The following GAP43 variants were observed in gnomAD, a reference collection of about 807,000 sequenced individuals.
GAP43 encodes the protein growth associated protein 43.
In GAP43, 6 loss-of-function variants were observed where a neutral mutation model predicts 18.6. The observed-to-expected ratio is 0.32, with a 90% CI of 0.18 to 0.64. The LOEUF is 0.64. Ranked by LOEUF, GAP43 falls within the 30% of genes least tolerant of loss-of-function variation. The pLI, the probability that GAP43 is intolerant of heterozygous loss-of-function variation, is 0.78. For missense variants in GAP43, 292 were observed against 295.5 expected (o/e 0.99, Z 0.09); for synonymous variants, 115 against 111.4 (o/e 1.03, Z -0.20).
intron 1 of GAP43, among the ~76,000 whole-genome samples, chr3:115,666,433 T>A (rs1708734393): frequency 6.6e-6 from 1 of 152,180 alleles, no homozygotes; most frequent in Non-Finnish European, 1.5e-5. Flanking sequence ...CCTCTGGTAT[T>A]TGTCTTATCA....
At position 115,650,731 on chromosome 3, in the gene GAP43, TTTTTAAAATCATACTCTAGTC is replaced by T. The variant is rs566434359; in HGVS notation, c.31-25256_31-25236del. On this transcript the variant is annotated intron_variant, in intron 1 of 2. Coordinates refer to ENST00000305124, the MANE Select transcript of GAP43 (RefSeq NM_002045.4). ...GCATAACTTTGATATATAACTATAA[TTTTTAAAATCATACTCTAGTC>T]TTTTAAAATCATACTCTAGTCTTTT... Among the ~76,000 whole-genome samples the T allele has an allele frequency of 3.2e-3, 485 of 152,316 alleles. 2 individuals are homozygous for T. Among genetic ancestry groups the T allele is most frequent in the African/African-American group, 0.011 (454 of 41,568 alleles).
intron 2 of GAP43, among the ~76,000 whole-genome samples, chr3:115,693,166 AT>A (rs929257315): frequency 2.6e-5 from 4 of 152,184 alleles, no homozygotes; most frequent in African/African-American, 9.7e-5. Context: ...GGAGGTGGCG[AT>A]TCCAGGCCCA....
At chr3:115,715,045 T>A (rs1170241917) in intron 2 of GAP43, among the ~76,000 whole-genome samples, 1 of 152,138 alleles carries the variant, frequency 6.6e-6, no homozygotes, top group Non-Finnish European at 1.5e-5. Context: ...CTCTGTTGTG[T>A]CTTTCATAAA....
intron 1 of GAP43, among the ~76,000 whole-genome samples, chr3:115,662,645 C>A (rs935313032): frequency 6.6e-6 from 1 of 152,180 alleles, no homozygotes; most frequent in African/African-American, 2.4e-5. Flanking sequence ...GGTGACATCA[C>A]CTCTTGAACT....
At chr3:115,661,830 G>GTTTTTTTTTTTTTTTTTTTTTT (rs1576986136) in intron 1 of GAP43, among the ~76,000 whole-genome samples, 3 of 28,652 alleles carry the variant, frequency 1.0e-4, no homozygotes, top group African/African-American at 2.8e-4. Flanking sequence ...AGAAACTAGG[G>GTTTTTTTTTTTTTTTTTTTTTT]CTTTTTTTTT....
At chr3:115,704,426 T>C (rs1040463164) in intron 2 of GAP43, among the ~76,000 whole-genome samples, 1 of 152,088 alleles carries the variant, frequency 6.6e-6, no homozygotes, top group Non-Finnish European at 1.5e-5. Flanking sequence ...TCAACCTTAG[T>C]TACTAATTTT....
chr3:115,675,172 A>T (rs1031868330), intron 1 of GAP43, among the ~76,000 whole-genome samples: 8 of 152,166 alleles, frequency 5.3e-5, no homozygotes, highest in Non-Finnish European at 1.0e-4. Flanking sequence ...CGCAGGCTCA[A>T]GTAAGCCTCC....
At chr3:115,710,889 A>G (rs1353603850) in intron 2 of GAP43, among the ~76,000 whole-genome samples, 1 of 152,104 alleles carries the variant, frequency 6.6e-6, no homozygotes, top group Non-Finnish European at 1.5e-5. Flanking sequence ...AGATAATGAA[A>G]CCAAACTATC....
At chr3:115,709,222 G>C (rs1218172546) in intron 2 of GAP43, among the ~76,000 whole-genome samples, 5 of 152,140 alleles carry the variant, frequency 3.3e-5, no homozygotes, top group Non-Finnish European at 1.5e-5. Flanking sequence ...TCTTACTCCA[G>C]ACGCCCTGCC....
At chr3:115,694,507 C>T (rs1709159214) in intron 2 of GAP43, among the ~76,000 whole-genome samples, 1 of 152,150 alleles carries the variant, frequency 6.6e-6, no homozygotes, top group African/African-American at 2.4e-5. Context: ...ATACAGATAA[C>T]ATTTACTTAT....
chr3:115,674,394 C>T (rs915733866), intron 1 of GAP43, among the ~76,000 whole-genome samples: 4 of 152,148 alleles, frequency 2.6e-5, no homozygotes, highest in African/African-American at 9.7e-5. Context: ...TAGTTGCCTA[C>T]ACAATTCTTT....
At chr3:115,636,502 C>T (rs1033532378) in intron 1 of GAP43, among the ~76,000 whole-genome samples, 4 of 152,078 alleles carry the variant, frequency 2.6e-5, no homozygotes, top group Admixed American at 1.3e-4. Context: ...TCTTGTGCAT[C>T]TAGATGGGTA....
At chr3:115,680,986 G>A (rs924621542) in intron 2 of GAP43, among the ~76,000 whole-genome samples, 6 of 152,070 alleles carry the variant, frequency 3.9e-5, no homozygotes, top group East Asian at 1.9e-4. Flanking sequence ...CCTCGTGAGC[G>A]GCTTTGATTT....
intron 2 of GAP43, among the ~76,000 whole-genome samples, chr3:115,707,849 A>T (rs1191054579): frequency 6.6e-6 from 1 of 152,114 alleles, no homozygotes; most frequent in Non-Finnish European, 1.5e-5. Flanking sequence ...CAATATTTTT[A>T]AATTTACAAA....
chr3:115,643,221 C>T lies in GAP43; in HGVS notation c.30+19502C>T, dbSNP rs533017232. Among the ~76,000 whole-genome samples the T allele has an allele frequency of 5.9e-5, 9 of 152,158 alleles. No homozygotes were observed. The South Asian group carries it at 8.3e-4, about 14-fold the overall frequency. ...GTCACTTTTTATCTTCAAGGAATGA[C>T]GTAAAGATGCAATGGCAATTACAAA... is the stretch of plus-strand genomic sequence containing the variant. On this transcript the variant is annotated intron_variant, in intron 1 of 2. Coordinates refer to ENST00000305124, the MANE Select transcript of GAP43 (RefSeq NM_002045.4).
chr3:115,720,395 C>T (rs776827922), intron 2 of GAP43, among the ~76,000 whole-genome samples: 17 of 152,128 alleles, frequency 1.1e-4, no homozygotes, highest in Non-Finnish European at 1.9e-4. Context: ...ACTAGATGAT[C>T]GATGGTCCAC....
rs778524833 is a variant in GAP43, at chr3:115,623,689, C to G, written c.-1C>G. On this transcript the variant is annotated 5_prime_UTR_variant, in exon 1 of 3. Transcript: ENST00000305124. ...GGAAGAAGGCAAGGGACGAGACAAC[C>G]ATGCTGTGCTGTATGAGAAGAACCA... 3.1e-6 allele frequency: 5 copies of G among 1,614,000 alleles called. No individual in the cohort carries two copies. The Admixed American group carries it at 5.0e-5, about 16-fold the overall frequency.
chr3:115,628,258 G>A (rs1291125543), intron 1 of GAP43, among the ~76,000 whole-genome samples: 1 of 151,808 alleles, frequency 6.6e-6, no homozygotes, highest in Non-Finnish European at 1.5e-5. Context: ...CAGAGCCCCA[G>A]TCCCTCATGC....
chr3:115,666,912 T>G (rs1443194578), intron 1 of GAP43, among the ~76,000 whole-genome samples: 1 of 152,100 alleles, frequency 6.6e-6, no homozygotes, highest in South Asian at 2.1e-4. Flanking sequence ...ATGATGAGGA[T>G]TGAATTGAAA....
Sources: gnomAD v4.1 joint callset for allele counts (sites outside exome capture counted in the v4.1 genomes callset) on GRCh38, gnomAD v4.1.1 for gene constraint, MANE v1.5 for transcripts, NCBI Gene and HGNC (gene_info 2026-07-23, HGNC 2026-07-21) for gene names.